Variants in CFAP299 observed in about 807,000 individuals in gnomAD.
CFAP299 encodes cilia and flagella associated protein 299, also known as cilia- and flagella-associated protein 299.
Under a neutral mutation model 27.0 loss-of-function variants are expected in CFAP299, and 21 were observed. The observed-to-expected ratio is 0.78, with a 90% CI of 0.55 to 1.12. The LOEUF is 1.12. Ranked by LOEUF, CFAP299 falls within the 50% of genes most tolerant of loss-of-function variation. CFAP299 has a pLI of 0.00. For synonymous variants in CFAP299, 104 were observed against 98.1 expected (o/e 1.06, Z -0.36); for missense variants, 310 against 276.6 (o/e 1.12, Z -0.86).
intron 3 of CFAP299, among the ~76,000 whole-genome samples, chr4:80,817,838 CT>C (rs2110121748): frequency 8.1e-6 from 1 of 124,008 alleles, no homozygotes; most frequent in East Asian, 2.3e-4. Context: ...TTTTTTTTTT[CT>C]TCAACTTTTA....
chr4:80,727,037 T>C (rs1206758321), intron 3 of CFAP299, among the ~76,000 whole-genome samples: 1 of 151,744 alleles, frequency 6.6e-6, no homozygotes, highest in Non-Finnish European at 1.5e-5. Context: ...AAGTGAAAAA[T>C]AAATAAAAGA....
chr4:80,386,631 A>G (rs1725022013), intron 2 of CFAP299: 4 of 1,597,508 alleles, frequency 2.5e-6, no homozygotes, highest in South Asian at 2.2e-5. Flanking sequence ...GCATAGCGGA[A>G]CTTGTAGTAG....
chr4:80,862,583 G>T (rs892483934), intron 3 of CFAP299, among the ~76,000 whole-genome samples: 1 of 151,920 alleles, frequency 6.6e-6, no homozygotes, highest in African/African-American at 2.4e-5. Context: ...TTTGTCCTTT[G>T]TCCATGACCT....
intron 3 of CFAP299, among the ~76,000 whole-genome samples, chr4:80,650,028 T>C (rs1232787948): frequency 6.6e-6 from 1 of 152,100 alleles, no homozygotes; most frequent in African/African-American, 2.4e-5. Context: ...TTAGCTTACT[T>C]TGTAAATATG....
At chr4:80,327,684 G>C in the CFAP299 span, among the ~76,000 whole-genome samples, 7 of 15,946 alleles carry the variant, frequency 4.4e-4, no homozygotes, top group Non-Finnish European at 1.1e-3. Flanking sequence ...TATATATAGA[G>C]AGAAGTTATA....
chr4:80,789,502 G>A (rs1727431324), intron 3 of CFAP299, among the ~76,000 whole-genome samples: 1 of 151,934 alleles, frequency 6.6e-6, no homozygotes, highest in Non-Finnish European at 1.5e-5. Context: ...ATTACTAGAC[G>A]ATTTTGTTAA....
intron 5 of CFAP299, among the ~76,000 whole-genome samples, chr4:80,960,457 AAC>A (rs992302991): frequency 5.9e-5 from 9 of 151,940 alleles, no homozygotes; most frequent in African/African-American, 2.2e-4. Context: ...GGAAAATATT[AAC>A]AGTTATCAAC....
chr4:80,765,049 C>T (rs777812695), intron 3 of CFAP299, among the ~76,000 whole-genome samples: 4 of 151,954 alleles, frequency 2.6e-5, no homozygotes, highest in Non-Finnish European at 2.9e-5. Flanking sequence ...TGGTAACAAA[C>T]GTGCACATTC....
At chr4:80,938,399 G>A (rs1737027112) in intron 4 of CFAP299, among the ~76,000 whole-genome samples, 2 of 152,202 alleles carry the variant, frequency 1.3e-5, no homozygotes, top group East Asian at 3.8e-4. Context: ...ACAATAGCAT[G>A]AGCCATCTGT....
intron 3 of CFAP299, among the ~76,000 whole-genome samples, chr4:80,793,496 G>GT (rs1434825359): frequency 1.3e-5 from 2 of 149,296 alleles, no homozygotes; most frequent in African/African-American, 5.1e-5. Context: ...CAATCAAGTT[G>GT]ACAGTATTAA....
intron 2 of CFAP299, among the ~76,000 whole-genome samples, chr4:80,390,800 TATATATGTATACACAC>T (rs1725391623): frequency 7.0e-6 from 1 of 143,368 alleles, no homozygotes; most frequent in Non-Finnish European, 1.5e-5. Context: ...TATGTATATG[TATATATGTATACACAC>T]ATATATGTAT....
At position 80,801,123 on chromosome 4, in the gene CFAP299, A is replaced by G. The variant is rs1340630055; in HGVS notation, c.334-68870A>G. Among the ~76,000 whole-genome samples the G allele has an allele frequency of 2.6e-5, 4 of 151,554 alleles. No homozygotes were observed. The Admixed American group carries it at 2.6e-4, about 10-fold the overall frequency. On this transcript the variant is annotated intron_variant, in intron 3 of 5. Coordinates refer to ENST00000358105, the MANE Select transcript of CFAP299 (RefSeq NM_152770.3). ...CAACACCCTCACAGACACACCCAGA[A>G]TCAATACTTTGCATCTTTCAGTCAA...
At chr4:80,648,133 T>C (rs1227511544) in intron 3 of CFAP299, among the ~76,000 whole-genome samples, 1 of 152,128 alleles carries the variant, frequency 6.6e-6, no homozygotes, top group Non-Finnish European at 1.5e-5. Context: ...ATGGTTAAAT[T>C]AGGTGTGGAA....
At chr4:80,914,476 C>T (rs962678795) in intron 4 of CFAP299, among the ~76,000 whole-genome samples, 1 of 152,064 alleles carries the variant, frequency 6.6e-6, no homozygotes, top group African/African-American at 2.4e-5. Context: ...TATCCTCTAC[C>T]CTCTAGATGT....
intron 2 of CFAP299, among the ~76,000 whole-genome samples, chr4:80,447,119 G>GTTTTTATTTGT (rs1728654159): frequency 1.5e-5 from 1 of 65,508 alleles, no homozygotes; most frequent in African/African-American, 4.7e-5. Flanking sequence ...CTTTTTATTT[G>GTTTTTATTTGT]TTTTTTTTTT....
At chr4:80,763,346 C>G (rs1017545659) in intron 3 of CFAP299, among the ~76,000 whole-genome samples, 1 of 152,022 alleles carries the variant, frequency 6.6e-6, no homozygotes, top group Non-Finnish European at 1.5e-5. Flanking sequence ...AGTGAACTCC[C>G]GTTCACAATA....
chr4:80,694,759 A>G (rs917463494), intron 3 of CFAP299, among the ~76,000 whole-genome samples: 11 of 152,224 alleles, frequency 7.2e-5, no homozygotes, highest in Non-Finnish European at 1.5e-5. Context: ...GTTTCAAATT[A>G]TTTACAGAAT....
chr4:80,847,631 C>T (rs1274906438), intron 3 of CFAP299, among the ~76,000 whole-genome samples: 1 of 152,174 alleles, frequency 6.6e-6, no homozygotes, highest in Non-Finnish European at 1.5e-5. Flanking sequence ...GGTACTTAAC[C>T]TTCTCATGCT....
intron 2 of CFAP299, among the ~76,000 whole-genome samples, chr4:80,497,833 G>T (rs192452017): frequency 6.6e-6 from 1 of 152,244 alleles, no homozygotes; most frequent in East Asian, 1.9e-4. Flanking sequence ...AAAGCCAGAA[G>T]CATCATACTA....
Sources: allele counts gnomAD v4.1 joint callset (sites outside exome capture counted in the v4.1 genomes callset), GRCh38; gene constraint gnomAD v4.1.1; transcripts MANE v1.5; gene names NCBI Gene and HGNC (gene_info 2026-07-23, HGNC 2026-07-21).